DDX60L: variants seen among roughly 807,000 people sequenced by gnomAD.
The protein encoded by DDX60L is probable ATP-dependent RNA helicase DDX60-like.
Under a neutral mutation model 211.6 loss-of-function variants are expected in DDX60L, and 191 were observed. The observed-to-expected ratio is 0.90, with a 90% CI of 0.80 to 1.02. The LOEUF is 1.02. DDX60L is among the 50% of genes least tolerant of loss of function. The pLI, the probability that DDX60L is intolerant of heterozygous loss-of-function variation, is 0.00. For synonymous variants in DDX60L, 706 were observed against 694.1 expected, an observed-to-expected ratio of 1.02 and a Z score of -0.27; for missense variants, 2,007 against 1,984.1, an observed-to-expected ratio of 1.01 and a Z score of -0.22.
At chr4:168,394,849 G>A (rs1032372343) in intron 27 of DDX60L, among the ~76,000 whole-genome samples, 6 of 152,192 alleles carry the variant, frequency 3.9e-5, no homozygotes, top group African/African-American at 1.4e-4. Context: ...AGATGCTATT[G>A]AAGCAGCAGA....
chr4:168,412,369 G>A (rs1163692778), intron 22 of DDX60L, among the ~76,000 whole-genome samples: 2 of 152,190 alleles, frequency 1.3e-5, no homozygotes, highest in East Asian at 3.9e-4. Context: ...TGGCCTGAAG[G>A]GAGAGACCCA....
intron 31 of DDX60L, 62 bp downstream of exon 31, chr4:168,379,664 G>T: frequency 7.3e-7 from 1 of 1,372,744 alleles, no homozygotes; most frequent in Non-Finnish European, 1.0e-6. Context: ...AGTTGGTTTA[G>T]CATAGAAAGA....
chr4:168,392,978 T>TATGTG (rs1383723514), intron 28 of DDX60L, among the ~76,000 whole-genome samples: 1 of 152,042 alleles, frequency 6.6e-6, no homozygotes, highest in Non-Finnish European at 1.5e-5. Flanking sequence ...GAGCCACTAC[T>TATGTG]ATGTGACAAG....
intron 20 of DDX60L, among the ~76,000 whole-genome samples, chr4:168,416,320 T>G (rs1749554897): frequency 6.6e-6 from 1 of 152,178 alleles, no homozygotes; most frequent in African/African-American, 2.4e-5. Flanking sequence ...ACTTGAAAAT[T>G]TTTAGAAATT....
chr4:168,468,753 T>C (rs1311099614), intron 4 of DDX60L: 1 of 152,154 alleles, frequency 6.6e-6, no homozygotes, highest in Non-Finnish European at 1.5e-5. Flanking sequence ...CCACTGAAAT[T>C]AATAAGTTGT....
intron 25 of DDX60L, 33 bp from the exon 26 acceptor site, chr4:168,401,011 A>G: frequency 6.3e-7 from 1 of 1,592,678 alleles, no homozygotes. Context: ...CTTTGAAAAG[A>G]CTATGTTTCT....
At chr4:168,365,951 C>A (rs918327493) in intron 36 of DDX60L, among the ~76,000 whole-genome samples, 1 of 152,090 alleles carries the variant, frequency 6.6e-6, no homozygotes, top group Admixed American at 6.6e-5. Context: ...ACAGAAAAGG[C>A]ATTTGACAAA....
rs375553330 is a variant in DDX60L, at chr4:168,373,665, C to T, written c.4776+1G>A. On this transcript the variant is annotated splice_donor_variant, in intron 35 of 37. Coordinates refer to ENST00000682922, the MANE Select transcript of DDX60L (RefSeq NM_001012967.3). LOFTEE classifies it high-confidence loss of function. The stretch of plus-strand genomic sequence containing the variant: ...GTACATAAGATGTATCCTTCACTTA[C>T]CTGGTTGATAGTCTCTGGTCGAAGC... The T allele has an allele frequency of 3.1e-6, 5 of 1,612,978 alleles. No homozygotes were observed. The highest frequency in any genetic ancestry group is 3.4e-6 in the Non-Finnish European group (4 of 1,179,298).
At chr4:168,421,936 T>C (rs1750704504) in intron 16 of DDX60L, 27 bp from the exon 17 acceptor site, 1 of 1,613,800 alleles carries the variant, frequency 6.2e-7, no homozygotes, top group East Asian at 2.2e-5. Context: ...ACCATTTGTG[T>C]CAAGAAAGTG....
At chr4:168,361,036 G>C (rs3749494) in intron 37 of DDX60L, 113 bp downstream of exon 37, 1 of 779,868 alleles carries the variant, frequency 1.3e-6, no homozygotes, top group Non-Finnish European at 2.1e-6. Flanking sequence ...AGGCTCAATA[G>C]TATCTTCAGA....
At chr4:168,424,118 T>G (rs551227896) in intron 14 of DDX60L, among the ~76,000 whole-genome samples, 5 of 152,310 alleles carry the variant, frequency 3.3e-5, no homozygotes, top group African/African-American at 9.6e-5. Context: ...ATAACCCACA[T>G]ATTATTTGTG....
intron 17 of DDX60L, 60 bp downstream of exon 17, chr4:168,421,700 A>C: frequency 6.3e-7 from 1 of 1,591,158 alleles, no homozygotes; most frequent in Non-Finnish European, 8.6e-7. Context: ...GACCGTGTGC[A>C]TTCTTTTTAA....
At chr4:168,470,868 G>A in intron 4 of DDX60L, 1 of 264,640 alleles carries the variant, frequency 3.8e-6, no homozygotes, top group Non-Finnish European at 7.5e-6. Context: ...TTCTACAACA[G>A]GCAAAACTCA....
At chr4:168,440,146 G>A (rs1561076556) in intron 10 of DDX60L, among the ~76,000 whole-genome samples, 1 of 152,152 alleles carries the variant, frequency 6.6e-6, no homozygotes, top group Non-Finnish European at 1.5e-5. Flanking sequence ...GTTTGCTTGA[G>A]GCCAGGAATT....
Position 168,379,971 on chromosome 4 carries a change from T to C in DDX60L, c.4117-141A>G. The C allele has an allele frequency of 3.6e-6, 2 of 554,572 alleles. 1 individual carries two copies. The highest frequency in any genetic ancestry group is 9.8e-4 in the Middle Eastern group (2 of 2,044). The allele number at this position is 554,572 out of a possible 1,614,324, so 34.4% of individuals were successfully genotyped here. ...AAGTAAATTTCATTTGATTTCATAT[T>C]ATCTCTTTGATTGTATCTTCACATG... On this transcript the variant is annotated intron_variant, in intron 30 of 37. Coordinates refer to ENST00000682922, the MANE Select transcript of DDX60L (RefSeq NM_001012967.3).
intron 29 of DDX60L, among the ~76,000 whole-genome samples, chr4:168,386,968 C>T (rs962841531): frequency 6.6e-6 from 1 of 152,110 alleles, no homozygotes; most frequent in South Asian, 2.1e-4. Context: ...ATATTTGACC[C>T]TAGAGTAGAA....
chr4:168,434,570 T>C (rs1037301021), intron 10 of DDX60L, among the ~76,000 whole-genome samples: 1 of 152,198 alleles, frequency 6.6e-6, no homozygotes, highest in Non-Finnish European at 1.5e-5. Context: ...AATTCAATCC[T>C]GGGGTGGCAG....
At chr4:168,449,665 AGAAAAAAG>A (rs1561098865) in intron 8 of DDX60L, among the ~76,000 whole-genome samples, 5 of 28,490 alleles carry the variant, frequency 1.8e-4, no homozygotes, top group Non-Finnish European at 2.4e-4. Flanking sequence ...AAAAAAAAAA[AGAAAAAAG>A]AAAAAAATTA....
Position 168,364,622 on chromosome 4 carries a change from C to T in DDX60L, c.4929-3411G>A, listed in dbSNP as rs544247900. 7.2e-5 allele frequency among the ~76,000 whole-genome samples: 11 copies of T among 152,290 alleles called. 1 individual carries two copies. In the South Asian group the frequency reaches 2.3e-3, roughly 32 times the overall value. ...TCTTGAACTCCTGACCTCAAGTGATCATCCCACCTCAACCTCCCAAAGTGC... is the reference window on the plus strand; with the variant it reads ...TCTTGAACTCCTGACCTCAAGTGATTATCCCACCTCAACCTCCCAAAGTGC... On this transcript the variant is annotated intron_variant, in intron 36 of 37. Coordinates refer to ENST00000682922, the MANE Select transcript of DDX60L (RefSeq NM_001012967.3).
Sources: allele counts gnomAD v4.1 joint callset (sites outside exome capture counted in the v4.1 genomes callset), GRCh38; gene constraint gnomAD v4.1.1; transcripts MANE v1.5; gene names NCBI Gene and HGNC (gene_info 2026-07-23, HGNC 2026-07-21).